ZNF385D: variants seen among roughly 807,000 people sequenced by gnomAD.
ZNF385D encodes the protein zinc finger protein 659.
A neutral mutation model predicts 35.8 loss-of-function variants in ZNF385D; 15 were observed. The observed-to-expected ratio is 0.42, with a 90% CI of 0.28 to 0.64. The LOEUF (loss-of-function observed/expected upper bound fraction) is 0.64, where lower values mean the gene tolerates loss of function less well. Among genes scored for constraint, ZNF385D ranks in the 30% least tolerant of loss-of-function variants. The pLI is 0.23. For missense variants in ZNF385D, 474 were observed against 494.6 expected, an observed-to-expected ratio of 0.96 and a Z score of 0.39; for synonymous variants, 212 against 186.8, an observed-to-expected ratio of 1.13 and a Z score of -1.10.
At chr3:22,351,796 T>A (rs1192804201) in intron 2 of ZNF385D, among the ~76,000 whole-genome samples, 1 of 152,180 alleles carries the variant, frequency 6.6e-6, no homozygotes, top group Non-Finnish European at 1.5e-5. Flanking sequence ...TCCAGAGATC[T>A]GAATTGCTTG....
At chr3:21,789,889 T>C (rs1392233600) in intron 3 of ZNF385D, among the ~76,000 whole-genome samples, 1 of 152,220 alleles carries the variant, frequency 6.6e-6, no homozygotes, top group Non-Finnish European at 1.5e-5. Flanking sequence ...CTTGTCACTG[T>C]TGTCAGATTA....
chr3:21,805,803 T>C (rs1223707945), intron 3 of ZNF385D, among the ~76,000 whole-genome samples: 11 of 152,146 alleles, frequency 7.2e-5, no homozygotes, highest in African/African-American at 2.4e-4. Context: ...GCAATCCTAG[T>C]GAAAGAATGG....
intron 3 of ZNF385D, among the ~76,000 whole-genome samples, chr3:22,076,497 C>T (rs1700471248): frequency 6.6e-6 from 1 of 151,876 alleles, no homozygotes; most frequent in Admixed American, 6.6e-5. Context: ...ATAACCAAAC[C>T]ACTTAAAGTT....
intron 3 of ZNF385D, among the ~76,000 whole-genome samples, chr3:21,860,519 G>C (rs372232997): frequency 2.0e-5 from 3 of 152,204 alleles, no homozygotes; most frequent in African/African-American, 4.8e-5. Context: ...AGTGAGATAA[G>C]TACAGATATC....
At chr3:22,321,667 G>A (rs770890307) in intron 2 of ZNF385D, among the ~76,000 whole-genome samples, 13 of 152,016 alleles carry the variant, frequency 8.6e-5, no homozygotes, top group Non-Finnish European at 1.6e-4. Context: ...ACCCGGCTCA[G>A]TCTATATGTA....
chr3:21,595,105 G>A (rs1471745480), intron 2 of ZNF385D, among the ~76,000 whole-genome samples: 1 of 152,160 alleles, frequency 6.6e-6, no homozygotes, highest in African/African-American at 2.4e-5. Flanking sequence ...TGTAAAACAT[G>A]CTTACCAGTG....
intron 3 of ZNF385D, among the ~76,000 whole-genome samples, chr3:21,905,826 T>G (rs959784996): frequency 6.6e-6 from 1 of 152,138 alleles, no homozygotes; most frequent in Non-Finnish European, 1.5e-5. Context: ...ATTTGCTTTA[T>G]ATGTACCTGA....
intron 2 of ZNF385D, among the ~76,000 whole-genome samples, chr3:22,262,462 T>C (rs2125346740): frequency 6.6e-6 from 1 of 152,092 alleles, no homozygotes. Flanking sequence ...ATTTTAAAAA[T>C]ATTAAGAATA....
intron 3 of ZNF385D, among the ~76,000 whole-genome samples, chr3:21,886,558 C>T (rs2670252): frequency 0.42 from 63,170 of 151,670 alleles, 13,409 homozygotes; most frequent in East Asian, 0.54. Context: ...ATTGGATGGA[C>T]GGCTCAGAAA....
intron 4 of ZNF385D, among the ~76,000 whole-genome samples, chr3:21,483,043 T>C (rs1704748225): frequency 6.6e-6 from 1 of 152,180 alleles, no homozygotes; most frequent in African/African-American, 2.4e-5. Context: ...TAAATATACA[T>C]TTCTATGAAA....
At position 22,357,977 on chromosome 3, in the gene ZNF385D, A is replaced by AT. The variant is rs1696233441; in HGVS notation, c.106+14472dup. ...CGATATGCTATATTTTAAATGGTCTATTTTTCTCTTTCCCAGTTACCTTTG... is the reference window on the plus strand; with the variant it reads ...CGATATGCTATATTTTAAATGGTCTATTTTTTCTCTTTCCCAGTTACCTTTG... On this transcript the variant is annotated intron_variant, in intron 2 of 5. Coordinates refer to the ZNF385D transcript ENST00000494108. 2.0e-5 allele frequency among the ~76,000 whole-genome samples: 3 copies of AT among 151,854 alleles called. No individual in the cohort carries two copies. In the South Asian group the frequency reaches 6.2e-4, roughly 31 times the overall value.
Position 22,341,598 on chromosome 3 carries a change from G to A in ZNF385D, c.106+30852C>T, listed in dbSNP as rs561040012. ...TTATCCACTATCTGAATGGCAAAGG[G>A]GTATTCCTTTATTCCTCCTCCATTA... On this transcript the variant is annotated intron_variant, in intron 2 of 5. Transcript: ENST00000494108. Among the ~76,000 whole-genome samples, 9 of 152,174 alleles carry A rather than the reference G, an allele frequency of 5.9e-5. No individual in the cohort carries two copies. The East Asian group carries it at 1.7e-3, about 29-fold the overall frequency.
At chr3:21,702,925 T>C (rs1416676945) in intron 1 of ZNF385D, among the ~76,000 whole-genome samples, 1 of 152,188 alleles carries the variant, frequency 6.6e-6, no homozygotes, top group African/African-American at 2.4e-5. Context: ...TCAAAGCCAT[T>C]CAACAAGTCT....
intron 3 of ZNF385D, among the ~76,000 whole-genome samples, chr3:21,902,459 G>C (rs569127251): frequency 6.6e-6 from 1 of 152,252 alleles, no homozygotes; most frequent in East Asian, 1.9e-4. Context: ...GTAGGAAATA[G>C]CGGAGTATCT....
At chr3:22,354,834 TATTTA>T (rs1238770181) in intron 2 of ZNF385D, among the ~76,000 whole-genome samples, 2 of 152,052 alleles carry the variant, frequency 1.3e-5, no homozygotes, top group African/African-American at 2.4e-5. Flanking sequence ...GTGTTGCGGT[TATTTA>T]ATTTAAGCAA....
At chr3:21,810,677 A>G (rs2072877928) in intron 3 of ZNF385D, among the ~76,000 whole-genome samples, 1 of 152,060 alleles carries the variant, frequency 6.6e-6, no homozygotes, top group Admixed American at 6.6e-5. Flanking sequence ...TTTGAAATGT[A>G]CCTTGTTTTA....
In ZNF385D at chr3:21,981,508, C is replaced by T. The variant is rs140077829; in HGVS notation, c.325+187309G>A. Among the ~76,000 whole-genome samples, 800 of 152,110 alleles carry T rather than the reference C, an allele frequency of 5.3e-3. 4 individuals are homozygous for T. Among genetic ancestry groups the T allele is most frequent in the African/African-American group, 9.9e-3 (411 of 41,532 alleles). ...AGTTGGCAAAAATTTCCTCTCATTC[C>T]GTAGGTTGTTTATCCTGTTGATAAT... On this transcript the variant is annotated intron_variant, in intron 3 of 5. Transcript: ENST00000494108.
At chr3:21,802,686 CCTGGTAGTACAATCTCA>C (rs1486545712) in intron 3 of ZNF385D, among the ~76,000 whole-genome samples, 1 of 152,144 alleles carries the variant, frequency 6.6e-6, no homozygotes, top group East Asian at 1.9e-4. Context: ...GAACACTTGT[CCTGGTAGTACAATCTCA>C]CTATCTGTGT....
intron 3 of ZNF385D, among the ~76,000 whole-genome samples, chr3:22,037,673 A>G (rs1441983633): frequency 6.6e-6 from 1 of 152,030 alleles, no homozygotes; most frequent in Non-Finnish European, 1.5e-5. Flanking sequence ...GTTCACTCTG[A>G]TGGTAGTTTC....
Sources: gnomAD v4.1 joint callset for allele counts (sites outside exome capture counted in the v4.1 genomes callset) on GRCh38, gnomAD v4.1.1 for gene constraint, MANE v1.5 for transcripts, NCBI Gene and HGNC (gene_info 2026-07-23, HGNC 2026-07-21) for gene names.